The following MFHAS1 variants were observed in gnomAD, a reference collection of about 807,000 sequenced individuals.
MFHAS1 encodes the protein multifunctional ROCO family signaling regulator 1.
MFHAS1 carries 50 observed loss-of-function variants against 70.4 expected under a neutral mutation model. The ratio of observed to expected loss-of-function variants is 0.71; its 90% CI spans 0.57 to 0.90. The LOEUF (loss-of-function observed/expected upper bound fraction) is 0.90. Ranked by LOEUF, MFHAS1 falls within the 40% of genes least tolerant of loss-of-function variation. MFHAS1 has a pLI of 0.00. For synonymous variants in MFHAS1, 952 were observed against 620.0 expected (o/e 1.54, Z -7.96); for missense variants, 1,795 against 1,347.6 (o/e 1.33, Z -5.20).
chr8:8,888,402 C>G (rs1314365102), intron 1 of MFHAS1, among the ~76,000 whole-genome samples: 1 of 152,106 alleles, frequency 6.6e-6, no homozygotes, highest in Non-Finnish European at 1.5e-5. Context: ...TCCGGGTCCC[C>G]TGGGGGTGGG....
rs561379887 is a variant in MFHAS1 at position 8,890,329 on chromosome 8, C to T, written c.2730G>A (p.Ser910=). 3.1e-6 allele frequency: 5 copies of T among 1,614,192 alleles called. No homozygotes were observed. Among genetic ancestry groups the T allele is most frequent in the South Asian group, 2.2e-5 (2 of 91,090 alleles). ...AGGCAAAGATCTGAAATTTACCATCCGACCTGTGCACCACATGGCTGTTGA... is the reference window on the plus strand; with the variant it reads ...AGGCAAAGATCTGAAATTTACCATCTGACCTGTGCACCACATGGCTGTTGA... ...VQINSHVVHR[S]DGKFQIFAYR... is the part of the protein sequence containing the mutation. Residue 910 remains serine (S), a synonymous_variant, in exon 1 of 3, where the codon TCG becomes TCA. Transcript: ENST00000276282.
intron 1 of MFHAS1, among the ~76,000 whole-genome samples, chr8:8,847,639 TA>T (rs1808085221): frequency 6.6e-6 from 1 of 152,236 alleles, no homozygotes; most frequent in Admixed American, 6.5e-5. Context: ...TGTCATTTAC[TA>T]ACTACCTGAT....
At chr8:8,808,437 T>G (rs1475701841) in intron 1 of MFHAS1, among the ~76,000 whole-genome samples, 1 of 152,226 alleles carries the variant, frequency 6.6e-6, no homozygotes, top group Non-Finnish European at 1.5e-5. Flanking sequence ...ACGTCACCCT[T>G]ATTTTACTTC....
intron 1 of MFHAS1, among the ~76,000 whole-genome samples, chr8:8,859,735 G>A (rs1040477804): frequency 2.6e-5 from 4 of 152,082 alleles, no homozygotes; most frequent in Admixed American, 1.3e-4. Context: ...TATCTATAAT[G>A]TACAAAATAT....
At chr8:8,793,007 A>C (rs917063799) in intron 2 of MFHAS1, among the ~76,000 whole-genome samples, 14 of 152,236 alleles carry the variant, frequency 9.2e-5, no homozygotes, top group Non-Finnish European at 1.5e-4. Flanking sequence ...TCTGATAATC[A>C]GCAAGGGGGA....
chr8:8,856,585 C>G lies in MFHAS1; in HGVS notation c.2998+33476G>C, dbSNP rs901002810. The stretch of plus-strand genomic sequence containing the variant: ...TATCCAAGACAATAATTCAAAGACT[C>G]TAAATTGGGAAATTAGCTTAATAGT... On this transcript the variant is annotated intron_variant, in intron 1 of 2. Transcript: ENST00000276282. Among the ~76,000 whole-genome samples the G allele has an allele frequency of 5.9e-5, 9 of 152,150 alleles. 1 individual carries two copies. The highest frequency in any genetic ancestry group is 2.2e-4 in the African/African-American group (9 of 41,442).
At position 8,891,194 on chromosome 8, in the gene MFHAS1, G is replaced by GA. The variant is rs1401373995; in HGVS notation, c.1864dup (p.Ser622PhefsTer7). The GA allele has an allele frequency of 1.9e-6, 3 of 1,612,920 alleles. No individual in the cohort carries two copies. Among genetic ancestry groups the GA allele is most frequent in the Non-Finnish European group, 1.7e-6 (2 of 1,180,044 alleles). On this transcript the variant is annotated frameshift_variant, in exon 1 of 3. Transcript: ENST00000276282. LOFTEE classifies it high-confidence loss of function. This position sits in a 1 kb window ranked among gnomAD's most constrained non-coding sequence, Gnocchi z 5.4. The stretch of plus-strand genomic sequence containing the variant: ...CCTGCAGCTAACAGGCAACACGGGG[G>GA]AGAGGATCTGCAGCCGGTGGTTGAG...
At chr8:8,835,142 C>A (rs576469115) in intron 1 of MFHAS1, among the ~76,000 whole-genome samples, 1 of 151,862 alleles carries the variant, frequency 6.6e-6, no homozygotes, top group East Asian at 1.9e-4. Context: ...AGTGGTTGTT[C>A]GAGGGTGAGC....
At chr8:8,855,537 C>A (rs1159055441) in intron 1 of MFHAS1, among the ~76,000 whole-genome samples, 2 of 152,168 alleles carry the variant, frequency 1.3e-5, no homozygotes. Context: ...CCCACAGATT[C>A]TTTAATCCTG....
chr8:8,882,910 T>C (rs1563219376), intron 1 of MFHAS1, among the ~76,000 whole-genome samples: 1 of 152,166 alleles, frequency 6.6e-6, no homozygotes, highest in Non-Finnish European at 1.5e-5. Context: ...CCCAGCACTT[T>C]GGGAGGCCGA....
chr8:8,830,196 T>C (rs546633250), intron 1 of MFHAS1, among the ~76,000 whole-genome samples: 1 of 152,274 alleles, frequency 6.6e-6, no homozygotes, highest in African/African-American at 2.4e-5. Context: ...GGAGAAAGCA[T>C]GGCTTCGAGT....
intron 1 of MFHAS1, among the ~76,000 whole-genome samples, chr8:8,816,325 C>T (rs1227748479): frequency 6.6e-6 from 1 of 152,124 alleles, no homozygotes; most frequent in East Asian, 1.9e-4. Flanking sequence ...TACAAACAAA[C>T]AAAAACACAA....
intron 1 of MFHAS1, among the ~76,000 whole-genome samples, chr8:8,884,960 C>A (rs1051300984): frequency 4.0e-5 from 6 of 151,624 alleles, no homozygotes; most frequent in Non-Finnish European, 8.8e-5. Context: ...CCCCACCCCC[C>A]CAAAAAAAAA....
At position 8,797,471 on chromosome 8, in the gene MFHAS1, T is replaced by G; in HGVS notation, c.3019A>C (p.Arg1007=). The G allele has an allele frequency of 6.2e-7, 1 of 1,614,044 alleles. No homozygotes were observed. The highest frequency in any genetic ancestry group is 8.5e-7 in the Non-Finnish European group (1 of 1,179,926). The change falls in exon 2 of 3, where the codon AGA becomes CGA. Residue 1007 remains arginine, a synonymous_variant. Transcript: ENST00000276282. ...AFPGELLSQP[R]PEGVAEIICP... is the part of the protein sequence containing the mutation. ...ATGATCTCTGCCACTCCTTCCGGTCTGGGCTGACTCAGCAACTCCCCTGTA... is the reference window on the plus strand; with the variant it reads ...ATGATCTCTGCCACTCCTTCCGGTCGGGGCTGACTCAGCAACTCCCCTGTA...
intron 1 of MFHAS1, among the ~76,000 whole-genome samples, chr8:8,873,821 T>A (rs1238840497): frequency 1.3e-5 from 2 of 152,234 alleles, no homozygotes; most frequent in African/African-American, 4.8e-5. Flanking sequence ...TATATTTCAT[T>A]GATTTCTTAC....
chr8:8,876,443 C>G lies in MFHAS1; in HGVS notation c.2998+13618G>C, dbSNP rs547862092. ...CAAATGATGATAAGATGCAAGAAAC[C>G]ACTGTTGTCGGCCGGGCGTGGTGGC... On this transcript the variant is annotated intron_variant, in intron 1 of 2. Coordinates refer to ENST00000276282, the MANE Select transcript of MFHAS1 (RefSeq NM_004225.3). 5.9e-4 allele frequency among the ~76,000 whole-genome samples: 90 copies of G among 152,110 alleles called. No homozygotes were observed. In the Middle Eastern group the frequency reaches 0.01, roughly 17 times the overall value.
chr8:8,874,738 T>C (rs1399715284), intron 1 of MFHAS1, among the ~76,000 whole-genome samples: 2 of 151,684 alleles, frequency 1.3e-5, no homozygotes, highest in African/African-American at 2.4e-5. Context: ...CTAGAAGAAA[T>C]CACAGAGGAA....
At chr8:8,804,227 C>T (rs1278854114) in intron 1 of MFHAS1, among the ~76,000 whole-genome samples, 1 of 152,116 alleles carries the variant, frequency 6.6e-6, no homozygotes, top group Non-Finnish European at 1.5e-5. Context: ...AATTATGACC[C>T]TCTCCTAGAA....
Position 8,891,593 on chromosome 8 carries a change from G to C in MFHAS1, c.1466C>G (p.Pro489Arg), listed in dbSNP as rs758025498. The C allele has an allele frequency of 6.2e-7, 1 of 1,613,306 alleles. No homozygotes were observed. Among genetic ancestry groups the C allele is most frequent in the South Asian group, 1.1e-5 (1 of 91,092 alleles). The change falls in exon 1 of 3, where the codon CCC (proline) becomes CGC (arginine). Residue 489 changes from proline (P) to arginine (R), a missense_variant. Physicochemically the swap from Pro to Arg is moderately radical, Grantham distance 103. Coordinates refer to ENST00000276282, the MANE Select transcript of MFHAS1 (RefSeq NM_004225.3). This position sits in a 1 kb window ranked among gnomAD's most constrained non-coding sequence, Gnocchi z 5.4. ...AGDESYEVIQ[P>R]FFLSPGALYV... ...TAGGGCCCCTGGGGACAGGAAGAAGGGCTGGATCACCTCATAACTTTCATC... is the reference window on the plus strand; with the variant it reads ...TAGGGCCCCTGGGGACAGGAAGAAGCGCTGGATCACCTCATAACTTTCATC...
Sources: allele counts gnomAD v4.1 joint callset (sites outside exome capture counted in the v4.1 genomes callset), GRCh38; gene constraint gnomAD v4.1.1; non-coding constraint Gnocchi (gnomAD v3.1); transcripts MANE v1.5; gene names NCBI Gene and HGNC (gene_info 2026-07-23, HGNC 2026-07-21).